The following SSBP2 variants were observed in gnomAD, a reference collection of about 807,000 sequenced individuals.
SSBP2 encodes the protein single stranded DNA binding protein 2, also known as single-stranded DNA-binding protein 2.
A neutral mutation model predicts 61.8 loss-of-function variants in SSBP2; 17 were observed. The observed-to-expected ratio is 0.28, with a 90% CI of 0.19 to 0.41. SSBP2 has a LOEUF of 0.41. Ranked by LOEUF, SSBP2 falls within the 10% of genes least tolerant of loss-of-function variation. The pLI, the probability that SSBP2 is intolerant of heterozygous loss-of-function variation, is 1.00. For missense variants in SSBP2, 310 were observed against 458.7 expected (o/e 0.68, Z 2.96); for synonymous variants, 139 against 141.3 (o/e 0.98, Z 0.12).
At chr5:81,479,221 T>C (rs1364147036) in intron 6 of SSBP2, among the ~76,000 whole-genome samples, 4 of 152,228 alleles carry the variant, frequency 2.6e-5, no homozygotes, top group African/African-American at 7.2e-5. Flanking sequence ...ATTATTTCTA[T>C]ATTTATAACA....
intron 1 of SSBP2, among the ~76,000 whole-genome samples, chr5:81,665,885 C>A (rs1298581248): frequency 6.6e-6 from 1 of 152,126 alleles, no homozygotes; most frequent in Non-Finnish European, 1.5e-5. Context: ...TTATCAATGT[C>A]CAAATGTGAT....
At chr5:81,431,033 T>C (rs1360800721) in intron 15 of SSBP2, among the ~76,000 whole-genome samples, 2 of 152,196 alleles carry the variant, frequency 1.3e-5, no homozygotes, top group African/African-American at 4.8e-5. Context: ...TATTCAATAT[T>C]GGCATCTGAG....
intron 10 of SSBP2, among the ~76,000 whole-genome samples, chr5:81,457,406 C>T (rs1764235181): frequency 6.6e-6 from 1 of 152,088 alleles, no homozygotes; most frequent in Admixed American, 6.5e-5. Flanking sequence ...ATTTGGCAAC[C>T]AACAAAGTAA....
chr5:81,609,963 C>T (rs535871167), intron 4 of SSBP2, among the ~76,000 whole-genome samples: 7 of 152,356 alleles, frequency 4.6e-5, no homozygotes, highest in African/African-American at 1.7e-4. Flanking sequence ...ACTCTCTCCA[C>T]TGAGAACTGT....
At chr5:81,667,447 C>T (rs73766298) in intron 1 of SSBP2, among the ~76,000 whole-genome samples, 3,665 of 152,100 alleles carry the variant, frequency 0.024, 157 homozygotes, top group African/African-American at 0.084. Context: ...ACACCAAGAG[C>T]ATTCAGTAGA....
At chr5:81,516,391 G>A (rs1769018672) in intron 4 of SSBP2, among the ~76,000 whole-genome samples, 1 of 152,072 alleles carries the variant, frequency 6.6e-6, no homozygotes, top group African/African-American at 2.4e-5. Context: ...TCCAGCATGA[G>A]TTATCTGATG....
intron 2 of SSBP2, among the ~76,000 whole-genome samples, chr5:81,643,533 G>A (rs71636282): frequency 0.14 from 20,576 of 149,076 alleles, 1,737 homozygotes; most frequent in Non-Finnish European, 0.19. Context: ...AGAAGCATGA[G>A]TATATCTATA....
At chr5:81,735,165 ATAGAGATAAACCTAATTTATTG>A (rs1756517486) in intron 1 of SSBP2, among the ~76,000 whole-genome samples, 2 of 152,174 alleles carry the variant, frequency 1.3e-5, no homozygotes, top group African/African-American at 4.8e-5. Flanking sequence ...TATTAAATAT[ATAGAGATAAACCTAATTTATTG>A]TATCTTTGAT....
At chr5:81,698,421 C>T (rs1321689743) in intron 1 of SSBP2, among the ~76,000 whole-genome samples, 2 of 152,064 alleles carry the variant, frequency 1.3e-5, no homozygotes, top group African/African-American at 2.4e-5. Flanking sequence ...AGGATGAACA[C>T]CAAAAGTTAT....
intron 10 of SSBP2, among the ~76,000 whole-genome samples, chr5:81,449,500 T>C (rs137891972): frequency 1.6e-3 from 239 of 152,300 alleles, no homozygotes; most frequent in African/African-American, 5.5e-3. Flanking sequence ...TGTACATCCA[T>C]AAGAGATATT....
intron 6 of SSBP2, among the ~76,000 whole-genome samples, chr5:81,481,271 T>C (rs2154031583): frequency 6.6e-6 from 1 of 152,276 alleles, no homozygotes; most frequent in South Asian, 2.1e-4. Flanking sequence ...CTTCCCCAGA[T>C]TCATCAGAGA....
At chr5:81,463,459 C>T (rs531273927) in intron 9 of SSBP2, among the ~76,000 whole-genome samples, 2 of 152,180 alleles carry the variant, frequency 1.3e-5, no homozygotes, top group East Asian at 1.9e-4. Flanking sequence ...CAAAGCTTTG[C>T]GAGGCCGAGG....
chr5:81,722,235 C>T (rs1755583281), intron 1 of SSBP2, among the ~76,000 whole-genome samples: 1 of 151,960 alleles, frequency 6.6e-6, no homozygotes, highest in African/African-American at 2.4e-5. Context: ...TAGATCCCTG[C>T]CCAGCAGGTA....
At chr5:81,489,148 C>A in intron 6 of SSBP2, 102 bp downstream of exon 6, 2 of 1,072,498 alleles carry the variant, frequency 1.9e-6, no homozygotes, top group East Asian at 2.6e-5. Context: ...TTAAATGGGA[C>A]AGAAAAAGGA....
intron 4 of SSBP2, among the ~76,000 whole-genome samples, chr5:81,605,040 A>T (rs777974048): frequency 3.3e-5 from 5 of 152,114 alleles, no homozygotes; most frequent in Non-Finnish European, 5.9e-5. Context: ...AATATTTTGG[A>T]CCAGTTTAAT....
Position 81,556,197 on chromosome 5 carries a change from G to C in SSBP2, c.283-42480C>G, listed in dbSNP as rs554755716. Among the ~76,000 whole-genome samples the C allele has an allele frequency of 5.9e-5, 9 of 152,084 alleles. No individual in the cohort carries two copies. The South Asian group carries it at 1.9e-3, about 32-fold the overall frequency. The stretch of plus-strand genomic sequence containing the variant: ...TATCTTTATATATTATCTTTATATA[G>C]TGACCTTTTCCTACCAATACAGATT... On this transcript the variant is annotated intron_variant, in intron 4 of 16. Transcript: ENST00000320672.
intron 4 of SSBP2, among the ~76,000 whole-genome samples, chr5:81,607,838 C>A (rs186643355): frequency 1.8e-4 from 28 of 152,266 alleles, no homozygotes; most frequent in African/African-American, 6.7e-4. Context: ...TATGTTCACA[C>A]CAAACAAATT....
At chr5:81,475,448 C>T (rs1453361243) in intron 6 of SSBP2, among the ~76,000 whole-genome samples, 1 of 151,980 alleles carries the variant, frequency 6.6e-6, no homozygotes, top group African/African-American at 2.4e-5. Context: ...TTCCATTTCC[C>T]AAGTCATTTT....
chr5:81,674,519 T>C (rs1751814517), intron 1 of SSBP2, among the ~76,000 whole-genome samples: 1 of 152,200 alleles, frequency 6.6e-6, no homozygotes, highest in Non-Finnish European at 1.5e-5. Context: ...TCGGAGCAAC[T>C]AGATTTAGAA....
Sources: allele counts gnomAD v4.1 joint callset (sites outside exome capture counted in the v4.1 genomes callset), GRCh38; gene constraint gnomAD v4.1.1; transcripts MANE v1.5; gene names NCBI Gene and HGNC (gene_info 2026-07-23, HGNC 2026-07-21).